Variants in MTDH observed in about 807,000 individuals in gnomAD.
MTDH encodes the protein metadherin.
MTDH carries 34 observed loss-of-function variants against 72.7 expected under a neutral mutation model. The ratio of observed to expected loss-of-function variants is 0.47; its 90% CI spans 0.36 to 0.62. The LOEUF is 0.62. MTDH is among the 20% of genes least tolerant of loss of function. The pLI, the probability that MTDH is intolerant of heterozygous loss-of-function variation, is 0.00. For synonymous variants in MTDH, 266 were observed against 268.9 expected, an observed-to-expected ratio of 0.99 and a Z score of 0.10; for missense variants, 677 against 699.4, an observed-to-expected ratio of 0.97 and a Z score of 0.36.
At chr8:97,692,780 A>G (rs967566170) in intron 6 of MTDH, among the ~76,000 whole-genome samples, 2 of 151,774 alleles carry the variant, frequency 1.3e-5, no homozygotes, top group Admixed American at 1.3e-4. Flanking sequence ...CCCAGGCTGG[A>G]GTGCAGTGGC....
chr8:97,711,899 A>G (rs1294096424), intron 8 of MTDH, among the ~76,000 whole-genome samples: 5 of 152,246 alleles, frequency 3.3e-5, no homozygotes, highest in Non-Finnish European at 7.3e-5. Flanking sequence ...AACTGCAGAA[A>G]GCAAAACTGC....
chr8:97,706,900 G>A (rs535049305), intron 8 of MTDH, 150 bp downstream of exon 8: 6 of 785,308 alleles, frequency 7.6e-6, no homozygotes, highest in Admixed American at 6.5e-5. Context: ...GCAACATAGC[G>A]AGACCCCATC....
intron 2 of MTDH, among the ~76,000 whole-genome samples, chr8:97,667,525 C>G (rs549550033): frequency 5.3e-5 from 8 of 152,224 alleles, no homozygotes; most frequent in African/African-American, 1.4e-4. Flanking sequence ...GCCACTTATT[C>G]ATATTACTCT....
intron 9 of MTDH, among the ~76,000 whole-genome samples, chr8:97,715,196 C>A (rs930693355): frequency 6.6e-6 from 1 of 151,666 alleles, no homozygotes; most frequent in African/African-American, 2.4e-5. Flanking sequence ...GGCATAGTCT[C>A]ACCTCACTGT....
chr8:97,659,399 G>C (rs1030408700), intron 1 of MTDH, among the ~76,000 whole-genome samples: 13 of 152,206 alleles, frequency 8.5e-5, no homozygotes, highest in Non-Finnish European at 1.8e-4. Flanking sequence ...AGCATTAGCT[G>C]TCTGACTTTA....
chr8:97,656,075 A>G (rs1304618592), intron 1 of MTDH, among the ~76,000 whole-genome samples: 1 of 152,110 alleles, frequency 6.6e-6, no homozygotes, highest in East Asian at 1.9e-4. Context: ...CTGCCCTTCT[A>G]GTTTCTAAAC....
chr8:97,656,599 CCTATT>C (rs996223863), intron 1 of MTDH, among the ~76,000 whole-genome samples: 98 of 151,822 alleles, frequency 6.5e-4, no homozygotes, highest in Admixed American at 2.1e-3. Flanking sequence ...CCGTGCCCGG[CCTATT>C]AAGCATACTT....
At chr8:97,715,044 C>T (rs928908120) in intron 9 of MTDH, among the ~76,000 whole-genome samples, 2 of 152,142 alleles carry the variant, frequency 1.3e-5, no homozygotes, top group Non-Finnish European at 2.9e-5. Flanking sequence ...AGGCTGGTCT[C>T]AAGTGATGTG....
chr8:97,659,642 G>C (rs1812105563), intron 1 of MTDH, among the ~76,000 whole-genome samples: 1 of 152,174 alleles, frequency 6.6e-6, no homozygotes, highest in Non-Finnish European at 1.5e-5. Context: ...CTTGAGTATA[G>C]CTCTGCTGTA....
chr8:97,652,495 G>A (rs543859968), intron 1 of MTDH, among the ~76,000 whole-genome samples: 164 of 152,214 alleles, frequency 1.1e-3, no homozygotes, highest in South Asian at 6.9e-3. Flanking sequence ...CCTTCATAGT[G>A]GTTATTACAG....
intron 2 of MTDH, among the ~76,000 whole-genome samples, chr8:97,677,420 G>A (rs1319766108): frequency 6.6e-6 from 1 of 151,368 alleles, no homozygotes; most frequent in Non-Finnish European, 1.5e-5. Flanking sequence ...GAACCTGGGA[G>A]GCGGAGGTTG....
chr8:97,652,265 TGA>T (rs1371058552), intron 1 of MTDH, among the ~76,000 whole-genome samples: 1 of 152,360 alleles, frequency 6.6e-6, no homozygotes, highest in East Asian at 1.9e-4. Context: ...TGAATTTGTG[TGA>T]GTTTCCTGTC....
chr8:97,688,196 C>A (rs538258574), intron 4 of MTDH, among the ~76,000 whole-genome samples: 2 of 152,330 alleles, frequency 1.3e-5, no homozygotes, highest in African/African-American at 4.8e-5. Context: ...AAATTACCGT[C>A]ATTTTTACCC....
Position 97,726,894 on chromosome 8 carries a change from GA to G in MTDH, c.*2227del, listed in dbSNP as rs1199428092. The G allele has an allele frequency of 1.2e-4, 18 of 151,450 alleles. No individual in the cohort carries two copies. Among genetic ancestry groups the G allele is most frequent in the African/African-American group, 4.1e-4 (17 of 41,260 alleles). 9.4% of individuals were successfully genotyped at this position (151,450 alleles called of 1,614,324 possible). On this transcript the variant is annotated 3_prime_UTR_variant, in exon 12 of 12. Coordinates refer to ENST00000336273, the MANE Select transcript of MTDH (RefSeq NM_178812.4). ...TCAAGACCAGCCTGGCCAAGAGGGT[GA>G]AACCCCATCTTTACTAAAAATACAA...
intron 10 of MTDH, among the ~76,000 whole-genome samples, chr8:97,720,056 G>A (rs541656466): frequency 1.3e-5 from 2 of 152,308 alleles, no homozygotes; most frequent in Non-Finnish European, 2.9e-5. Flanking sequence ...GGAGGCCAAG[G>A]TGGGTGGATC....
chr8:97,681,491 CTTT>C (rs35262209), intron 2 of MTDH, among the ~76,000 whole-genome samples: 2 of 108,856 alleles, frequency 1.8e-5, no homozygotes, highest in African/African-American at 3.5e-5. Context: ...AGAATTTTTT[CTTT>C]TTTTTTTTTT....
intron 2 of MTDH, among the ~76,000 whole-genome samples, chr8:97,661,632 A>T (rs1766823239): frequency 6.6e-6 from 1 of 152,200 alleles, no homozygotes; most frequent in Non-Finnish European, 1.5e-5. Context: ...CTAGACATAG[A>T]TTAACTTCAT....
intron 2 of MTDH, 75 bp downstream of exon 2, chr8:97,661,248 T>G: frequency 8.8e-7 from 1 of 1,134,934 alleles, no homozygotes; most frequent in South Asian, 1.4e-5. Flanking sequence ...CTTTTCTGTT[T>G]CATAAGATTG....
At chr8:97,647,833 C>T (rs993892162) in intron 1 of MTDH, among the ~76,000 whole-genome samples, 1 of 151,870 alleles carries the variant, frequency 6.6e-6, no homozygotes, top group African/African-American at 2.4e-5. Context: ...AATCCCAGCA[C>T]TTTGGGAGGC....
Sources: gnomAD v4.1 joint callset for allele counts (sites outside exome capture counted in the v4.1 genomes callset) on GRCh38, gnomAD v4.1.1 for gene constraint, MANE v1.5 for transcripts, NCBI Gene and HGNC (gene_info 2026-07-23, HGNC 2026-07-21) for gene names.